The following KDM5B variants were observed in gnomAD, a reference collection of about 807,000 sequenced individuals.
The protein encoded by KDM5B is lysine demethylase 5B, also known as lysine-specific demethylase 5B.
In KDM5B, 144 loss-of-function variants were observed where a neutral mutation model predicts 193.4. That is an observed-to-expected ratio of 0.74 (90% confidence interval 0.65 to 0.86). KDM5B has a LOEUF of 0.86. Among genes scored for constraint, KDM5B ranks in the 40% least tolerant of loss-of-function variants. The pLI is 0.00. For synonymous variants in KDM5B, 668 were observed against 682.6 expected (o/e 0.98, Z 0.33); for missense variants, 1,833 against 1,886.9 (o/e 0.97, Z 0.53).
In KDM5B at chr1:202,764,102, C is replaced by T; in HGVS notation, c.755G>A (p.Arg252Lys). 6.3e-7 allele frequency: 1 copy of T among 1,587,968 alleles called. No homozygotes were observed. The highest frequency in any genetic ancestry group is 1.4e-5 in the African/African-American group (1 of 73,964). Residue 252 changes from arginine to lysine, a missense_variant, in exon 6 of 27, where the codon AGA (arginine) becomes AAA (lysine). Physicochemically the swap from Arg to Lys is conservative, Grantham distance 26 (BLOSUM62 2). This residue lies in a region of KDM5B where 355 missense variants were observed against 374.9 expected (regional missense o/e 0.95). Transcript: ENST00000367265. ...CATTCGACGTCTCAGATTATGAGTT[C>T]TGGCTTCCGTTGTCTCCTCGGGTTC... ...KIEPEETTEA[R>K]THNLRRRMGC...
rs527710850 is a variant in KDM5B at position 202,727,618 on chromosome 1, C to A, written c.*1418G>T. 6.5e-6 allele frequency: 1 copy of A among 152,808 alleles called. No individual in the cohort carries two copies. The highest frequency in any genetic ancestry group is 2.1e-4 in the South Asian group (1 of 4,820). The allele number at this position is 152,808 out of a possible 1,614,324, so 9.5% of individuals were successfully genotyped here. ...AAAAGTCTGGTCACCAGAATGTCTTCTCCACTGCAGAACAGACCCCTTTAA... is the reference window on the plus strand; with the variant it reads ...AAAAGTCTGGTCACCAGAATGTCTTATCCACTGCAGAACAGACCCCTTTAA... On this transcript the variant is annotated 3_prime_UTR_variant, in exon 27 of 27. Transcript: ENST00000367265.
rs1655395067 is a variant in KDM5B at position 202,742,702 on chromosome 1, CTT to C, written c.2425_2426del (p.Lys809ValfsTer10). 1 of 1,614,124 alleles carries C rather than the reference CTT, an allele frequency of 6.2e-7. No individual in the cohort carries two copies. The highest frequency in any genetic ancestry group is 1.3e-5 in the African/African-American group (1 of 74,942). ...GCAACTGCTGCGCAACAGAGGCACA[CTT>C]CTCTGCATCCTGTGTGACTAGGCGA... is the stretch of plus-strand genomic sequence containing the variant. ...HLRLVTQDAE[K>X]CASVAQQLLN... On this transcript the variant is annotated frameshift_variant, in exon 17 of 27. Transcript: ENST00000367265. LOFTEE classifies it high-confidence loss of function.
chr1:202,772,552 C>A (rs933604157), intron 4 of KDM5B, among the ~76,000 whole-genome samples: 1 of 152,142 alleles, frequency 6.6e-6, no homozygotes, highest in Admixed American at 6.5e-5. Flanking sequence ...AAAGTTGTAA[C>A]AAGTAGATAA....
intron 1 of KDM5B, among the ~76,000 whole-genome samples, chr1:202,785,192 C>T (rs963516002): frequency 6.6e-6 from 1 of 152,154 alleles, no homozygotes; most frequent in Non-Finnish European, 1.5e-5. Flanking sequence ...TTTCAAGGAG[C>T]ATCTGACCTC....
At chr1:202,798,473 G>T (rs1657941962) in intron 1 of KDM5B, among the ~76,000 whole-genome samples, 1 of 151,638 alleles carries the variant, frequency 6.6e-6, no homozygotes, top group African/African-American at 2.4e-5. Context: ...CTTTTTTTGG[G>T]GTTGCGGGGT....
intron 2 of KDM5B, among the ~76,000 whole-genome samples, chr1:202,775,903 T>TATATATATAA (rs1377753407): frequency 1.7e-4 from 18 of 104,976 alleles, no homozygotes; most frequent in African/African-American, 6.4e-4. Context: ...TATATATATA[T>TATATATATAA]AATATATACA....
At chr1:202,756,855 G>GT (rs1230803263) in intron 9 of KDM5B, among the ~76,000 whole-genome samples, 2 of 152,200 alleles carry the variant, frequency 1.3e-5, no homozygotes, top group Non-Finnish European at 2.9e-5. Context: ...CAACAGCACA[G>GT]TAATAAGGTT....
chr1:202,725,756 G>A lies in KDM5B; in HGVS notation c.*3280C>T, dbSNP rs1051748647. 3.9e-5 allele frequency: 6 copies of A among 152,188 alleles called. No individual in the cohort carries two copies. Among genetic ancestry groups the A allele is most frequent in the African/African-American group, 9.7e-5 (4 of 41,440 alleles). The allele number at this position is 152,188 out of a possible 1,614,324, so 9.4% of individuals were successfully genotyped here. A position where few individuals can be genotyped will look rare whatever the true frequency, so the allele number is the denominator to read the frequency against. On this transcript the variant is annotated 3_prime_UTR_variant, in exon 27 of 27. Coordinates refer to ENST00000367265, the MANE Select transcript of KDM5B (RefSeq NM_006618.5). ...AATGAATAACCAGCTCTGGCTTAAT[G>A]CTTTACAATGGGCAATGACTCTTAA... is the stretch of plus-strand genomic sequence containing the variant.
intron 1 of KDM5B, among the ~76,000 whole-genome samples, chr1:202,790,281 A>G (rs72752705): frequency 5.3e-5 from 8 of 151,180 alleles, no homozygotes; most frequent in African/African-American, 1.5e-4. Flanking sequence ...TGAATGAATG[A>G]ATGGATGGAT....
rs370192746 is a variant in KDM5B, at chr1:202,777,128, T to G, written c.205-34A>C. The G allele has an allele frequency of 2.7e-6, 4 of 1,503,274 alleles. No individual in the cohort carries two copies. In the African/African-American group the frequency reaches 5.5e-5, roughly 21 times the overall value. The allele number at this position is 1,503,274 out of a possible 1,614,324, so 93.1% of individuals were successfully genotyped here. On this transcript the variant is annotated intron_variant, in intron 1 of 26. Coordinates refer to ENST00000367265, the MANE Select transcript of KDM5B (RefSeq NM_006618.5). ...AAGCAAAGGCTCTTATTAGAATAAC[T>G]TATAAGCATTTGACATTCAAAAATT...
rs1654729845 is a variant in KDM5B, at chr1:202,727,892, G to C, written c.*1144C>G. 1 of 152,692 alleles carries C rather than the reference G, an allele frequency of 6.5e-6. No individual in the cohort carries two copies. The highest frequency in any genetic ancestry group is 1.9e-4 in the East Asian group (1 of 5,202). The allele number at this position is 152,692 out of a possible 1,614,324, so 9.5% of individuals were successfully genotyped here. A position where few individuals can be genotyped will look rare whatever the true frequency, so the allele number is the denominator to read the frequency against. ...AAGGCAGCATTCCACAAGGAAGACT[G>C]ATTTGAGGATTGAAGTGATTTGCCA... On this transcript the variant is annotated 3_prime_UTR_variant, in exon 27 of 27. Transcript: ENST00000367265.
At chr1:202,757,626 C>A (rs1308675325) in intron 9 of KDM5B, among the ~76,000 whole-genome samples, 1 of 152,050 alleles carries the variant, frequency 6.6e-6, no homozygotes, top group Non-Finnish European at 1.5e-5. Context: ...AAATTTAAGT[C>A]CATTAAATAA....
chr1:202,750,573 C>T, intron 13 of KDM5B, 86 bp downstream of exon 13: 1 of 1,448,006 alleles, frequency 6.9e-7, no homozygotes, highest in Admixed American at 1.8e-5. Flanking sequence ...CCGCACCCAG[C>T]CCACATGACA....
At chr1:202,733,284 G>A (rs1486680649) in intron 23 of KDM5B, 117 bp downstream of exon 23, 6 of 1,115,978 alleles carry the variant, frequency 5.4e-6, no homozygotes, top group Non-Finnish European at 6.4e-6. Context: ...TAAAGTGGGT[G>A]CTGTTAACAG....
intron 11 of KDM5B, 31 bp from the exon 12 acceptor site, chr1:202,753,098 T>C: frequency 1.3e-6 from 2 of 1,587,814 alleles, no homozygotes; most frequent in South Asian, 2.3e-5. Context: ...TAAATCAATC[T>C]GCAACACCAA....
intron 1 of KDM5B, among the ~76,000 whole-genome samples, chr1:202,803,384 C>T (rs987011867): frequency 1.2e-4 from 18 of 152,098 alleles, no homozygotes; most frequent in African/African-American, 3.6e-4. Flanking sequence ...AAAGTCTACA[C>T]GTTTTGTTTA....
chr1:202,736,145 T>G (rs1655084745), intron 21 of KDM5B, 68 bp downstream of exon 21: 1 of 1,127,620 alleles, frequency 8.9e-7, no homozygotes, highest in African/African-American at 1.6e-5. Context: ...TCTTTGTATG[T>G]GATGAACTGC....
chr1:202,749,233 A>G (rs1655695700), intron 13 of KDM5B, 94 bp from the exon 14 acceptor site: 1 of 1,111,396 alleles, frequency 9.0e-7, no homozygotes, highest in African/African-American at 1.6e-5. Context: ...CAAACATCAC[A>G]CTATGGGTCT....
At chr1:202,750,449 A>G (rs1050219983) in intron 13 of KDM5B, among the ~76,000 whole-genome samples, 4 of 151,886 alleles carry the variant, frequency 2.6e-5, no homozygotes, top group Non-Finnish European at 5.9e-5. Context: ...TAATTTTTGT[A>G]TTTTTAGTAG....
Sources: gnomAD v4.1 joint callset for allele counts (sites outside exome capture counted in the v4.1 genomes callset) on GRCh38, gnomAD v4.1.1 for gene constraint, gnomAD v4.1.1 regional missense constraint, MANE v1.5 for transcripts, NCBI Gene and HGNC (gene_info 2026-07-23, HGNC 2026-07-21) for gene names.